Variants in ZCCHC4 observed in about 807,000 individuals in gnomAD.
ZCCHC4 encodes the protein zinc finger CCHC-type containing 4.
A neutral mutation model predicts 67.7 loss-of-function variants in ZCCHC4; 54 were observed. The ratio of observed to expected loss-of-function variants is 0.80; its 90% CI spans 0.64 to 1.00. The LOEUF (loss-of-function observed/expected upper bound fraction) is 1.00, where lower values mean the gene tolerates loss of function less well. ZCCHC4 is among the 50% of genes least tolerant of loss of function. The pLI is 0.00. For missense variants in ZCCHC4, 609 were observed against 617.0 expected, an observed-to-expected ratio of 0.99 and a Z score of 0.14; for synonymous variants, 198 against 213.5, an observed-to-expected ratio of 0.93 and a Z score of 0.63.
In ZCCHC4 at chr4:25,325,051, G is replaced by C. The variant is rs549991217; in HGVS notation, c.330-8132G>C. Among the ~76,000 whole-genome samples, 4 of 151,354 alleles carry C rather than the reference G, an allele frequency of 2.6e-5. No individual in the cohort carries two copies. The East Asian group carries it at 7.8e-4, about 30-fold the overall frequency. ...GAGGTCAGGAGATCGAGACCATCCT[G>C]GCTAACACAGTGAAACCCCGTCTCT... is the stretch of plus-strand genomic sequence containing the variant. On this transcript the variant is annotated intron_variant, in intron 3 of 12. Coordinates refer to ENST00000302874, the MANE Select transcript of ZCCHC4 (RefSeq NM_024936.3).
intron 6 of ZCCHC4, 125 bp from the exon 7 acceptor site, chr4:25,349,367 T>C (rs1474099044): frequency 1.2e-6 from 1 of 828,250 alleles, no homozygotes; most frequent in Non-Finnish European, 1.9e-6. Flanking sequence ...AATGCTGCGG[T>C]GGCAAGATGA....
intron 3 of ZCCHC4, among the ~76,000 whole-genome samples, chr4:25,331,652 C>T (rs1719187529): frequency 6.6e-6 from 1 of 152,150 alleles, no homozygotes; most frequent in Non-Finnish European, 1.5e-5. Context: ...ATAGTAAATT[C>T]AGTGTTTCTG....
chr4:25,354,129 A>G (rs1720421118), intron 8 of ZCCHC4, among the ~76,000 whole-genome samples: 1 of 151,930 alleles, frequency 6.6e-6, no homozygotes, highest in Non-Finnish European at 1.5e-5. Context: ...TTTTTTCACT[A>G]TGGGCAAGAG....
chr4:25,334,572 A>G (rs1719357487), intron 5 of ZCCHC4, among the ~76,000 whole-genome samples: 1 of 152,196 alleles, frequency 6.6e-6, no homozygotes, highest in African/African-American at 2.4e-5. Context: ...AGGGAGGAAC[A>G]CATCTTGAAT....
chr4:25,349,952 G>C (rs1720210576), intron 7 of ZCCHC4, among the ~76,000 whole-genome samples: 1 of 152,138 alleles, frequency 6.6e-6, no homozygotes, highest in African/African-American at 2.4e-5. Flanking sequence ...AGTGGCCACT[G>C]TGTGCCAGGC....
chr4:25,325,576 A>G (rs1416274063), intron 3 of ZCCHC4, among the ~76,000 whole-genome samples: 2 of 152,048 alleles, frequency 1.3e-5, no homozygotes, highest in Non-Finnish European at 2.9e-5. Flanking sequence ...CACTTTCTTA[A>G]TGGTATCCTT....
At chr4:25,334,581 A>G (rs1296066334) in intron 5 of ZCCHC4, among the ~76,000 whole-genome samples, 2 of 152,144 alleles carry the variant, frequency 1.3e-5, no homozygotes, top group Non-Finnish European at 2.9e-5. Flanking sequence ...CACATCTTGA[A>G]TCTCCCCTCT....
chr4:25,316,454 A>G (rs1235537643), intron 3 of ZCCHC4, among the ~76,000 whole-genome samples: 1 of 152,170 alleles, frequency 6.6e-6, no homozygotes, highest in African/African-American at 2.4e-5. Flanking sequence ...ATGCATTCCA[A>G]TTTCTCCGCA....
chr4:25,317,810 T>C (rs1560396419), intron 3 of ZCCHC4, among the ~76,000 whole-genome samples: 1 of 149,148 alleles, frequency 6.7e-6, no homozygotes, highest in South Asian at 2.1e-4. Context: ...CCTGCAGAGG[T>C]GGTTTACTTC....
rs573010346 is a variant in ZCCHC4, at chr4:25,314,777, T to C, written c.247-541T>C. 1.4e-4 allele frequency among the ~76,000 whole-genome samples: 21 copies of C among 152,332 alleles called. No homozygotes were observed. In the South Asian group the frequency reaches 4.4e-3, roughly 32 times the overall value. On this transcript the variant is annotated intron_variant, in intron 2 of 12. Transcript: ENST00000302874. The stretch of plus-strand genomic sequence containing the variant: ...TTAGGGGGCACAAACATTCAGTCGA[T>C]AGCACCGTTGGCAGATACAGATTGC...
chr4:25,322,909 C>A (rs993434062), intron 3 of ZCCHC4, among the ~76,000 whole-genome samples: 2 of 152,204 alleles, frequency 1.3e-5, no homozygotes, highest in African/African-American at 4.8e-5. Flanking sequence ...TCAAGTTGTT[C>A]TATGACAGTG....
chr4:25,328,532 G>T (rs182237501), intron 3 of ZCCHC4, among the ~76,000 whole-genome samples: 40 of 151,304 alleles, frequency 2.6e-4, no homozygotes, highest in African/African-American at 8.5e-4. Context: ...GAGCCACCTT[G>T]CCCAGTCCAC....
At chr4:25,322,763 C>A (rs575085618) in intron 3 of ZCCHC4, among the ~76,000 whole-genome samples, 3 of 152,220 alleles carry the variant, frequency 2.0e-5, no homozygotes, top group African/African-American at 7.2e-5. Flanking sequence ...AGCGATCCAC[C>A]CACCTTGGCC....
chr4:25,312,803 C>T lies in ZCCHC4; in HGVS notation c.-7C>T. The T allele has an allele frequency of 6.2e-7, 1 of 1,612,942 alleles. No homozygotes were observed. Among genetic ancestry groups the T allele is most frequent in the Non-Finnish European group, 8.5e-7 (1 of 1,179,876 alleles). ...CGTACTGAGGCTTTCGGGACGGCGG[C>T]GGGAAGATGGCGGCCTCCAGGAATG... On this transcript the variant is annotated 5_prime_UTR_variant, in exon 1 of 13. Transcript: ENST00000302874.
intron 3 of ZCCHC4, among the ~76,000 whole-genome samples, chr4:25,328,429 G>T (rs1023964068): frequency 3.3e-5 from 5 of 152,172 alleles, no homozygotes; most frequent in Non-Finnish European, 7.4e-5. Flanking sequence ...TCGTAGAGAT[G>T]GGGTTTTGCC....
At chr4:25,360,380 G>C (rs1251819942) in intron 8 of ZCCHC4, among the ~76,000 whole-genome samples, 1 of 152,228 alleles carries the variant, frequency 6.6e-6, no homozygotes, top group Non-Finnish European at 1.5e-5. Context: ...GATAGTTTTG[G>C]CTGGGGCCAA....
chr4:25,333,923 C>G lies in ZCCHC4; in HGVS notation c.621C>G (p.Ile207Met), dbSNP rs377598800. The G allele has an allele frequency of 3.1e-6, 5 of 1,599,368 alleles. No individual in the cohort carries two copies. The African/African-American group carries it at 6.7e-5, about 22-fold the overall frequency. The change falls in exon 5 of 13, where the codon ATC (isoleucine) becomes ATG (methionine). Residue 207 changes from isoleucine (I) to methionine (M), a missense_variant. Physicochemically the swap from Ile to Met is conservative, Grantham distance 10 (BLOSUM62 1). Coordinates refer to ENST00000302874, the MANE Select transcript of ZCCHC4 (RefSeq NM_024936.3). ...ATTGCTTTAGGTTGCATGAGCTGAT[C>G]AAGTTGACAGCATCAGGTGACAAGA... ...CVGTPRLHEL[I>M]KLTASGDKKS...
rs896494276 is a variant in ZCCHC4, at chr4:25,359,422, C to T, written c.1012-2437C>T. On this transcript the variant is annotated intron_variant, in intron 8 of 12. Transcript: ENST00000302874. This position sits in a 1 kb window ranked among gnomAD's most constrained non-coding sequence, Gnocchi z 4.9. The stretch of plus-strand genomic sequence containing the variant: ...GGCACAGGCGGGGCACCTGGAGGCT[C>T]GGCTACAGAGCTTGGAAAAGGAATT... Among the ~76,000 whole-genome samples the T allele has an allele frequency of 4.6e-5, 7 of 152,040 alleles. No homozygotes were observed. Among genetic ancestry groups the T allele is most frequent in the East Asian group, 1.9e-4 (1 of 5,168 alleles).
chr4:25,364,004 A>T (rs1367205545), intron 10 of ZCCHC4, among the ~76,000 whole-genome samples: 1 of 152,200 alleles, frequency 6.6e-6, no homozygotes, highest in African/African-American at 2.4e-5. Context: ...ACTTTTCTAG[A>T]TATTTTTATT....
Sources: allele counts gnomAD v4.1 joint callset (sites outside exome capture counted in the v4.1 genomes callset), GRCh38; gene constraint gnomAD v4.1.1; non-coding constraint Gnocchi (gnomAD v3.1); transcripts MANE v1.5; gene names NCBI Gene and HGNC (gene_info 2026-07-23, HGNC 2026-07-21).